NFIB: variants seen among roughly 807,000 people sequenced by gnomAD.
NFIB encodes the protein nuclear factor 1 B-type.
Under a neutral mutation model 61.5 loss-of-function variants are expected in NFIB, and 11 were observed. The observed-to-expected ratio is 0.18, with a 90% CI of 0.11 to 0.30. NFIB has a LOEUF of 0.30. Ranked by LOEUF, NFIB falls within the 10% of genes least tolerant of loss-of-function variation. The pLI is 1.00. For synonymous variants in NFIB, 260 were observed against 216.5 expected, an observed-to-expected ratio of 1.20 and a Z score of -1.76; for missense variants, 471 against 608.9, an observed-to-expected ratio of 0.77 and a Z score of 2.38.
At chr9:14,293,599 G>A (rs906147886) in intron 2 of NFIB, among the ~76,000 whole-genome samples, 6 of 152,130 alleles carry the variant, frequency 3.9e-5, no homozygotes, top group Admixed American at 6.5e-5. Context: ...ACATAAGTGC[G>A]GAGTCTATCA....
the NFIB span, among the ~76,000 whole-genome samples, chr9:14,526,304 A>T: frequency 6.6e-6 from 1 of 152,204 alleles, no homozygotes. Context: ...TTATTACATG[A>T]TATGTTAAAT....
At chr9:14,433,239 T>A in the NFIB span, among the ~76,000 whole-genome samples, 1 of 152,322 alleles carries the variant, frequency 6.6e-6, no homozygotes, top group African/African-American at 2.4e-5. Flanking sequence ...CCACTTACAA[T>A]ACAAACCCCA....
At chr9:14,437,797 C>T in the NFIB span, among the ~76,000 whole-genome samples, 9 of 152,334 alleles carry the variant, frequency 5.9e-5, no homozygotes, top group Non-Finnish European at 8.8e-5. Context: ...CTCAGTGTGC[C>T]TCCTGCCTCG....
chr9:14,319,424 T>C (rs2060614192), intron 1 of NFIB, among the ~76,000 whole-genome samples: 1 of 152,234 alleles, frequency 6.6e-6, no homozygotes, highest in Non-Finnish European at 1.5e-5. Context: ...GCATGATGTA[T>C]TTTAAACTTT....
At chr9:14,225,153 G>C (rs1487052297) in intron 2 of NFIB, among the ~76,000 whole-genome samples, 2 of 151,996 alleles carry the variant, frequency 1.3e-5, no homozygotes, top group Non-Finnish European at 2.9e-5. Context: ...ATATAAGTGA[G>C]AACAGAAGGT....
At chr9:14,525,845 C>G in the NFIB span, among the ~76,000 whole-genome samples, 2 of 152,030 alleles carry the variant, frequency 1.3e-5, no homozygotes, top group African/African-American at 4.8e-5. Context: ...AAATAACACA[C>G]CGTGTTATTT....
chr9:14,289,259 C>A (rs1375835268), intron 2 of NFIB, among the ~76,000 whole-genome samples: 3 of 150,430 alleles, frequency 2.0e-5, no homozygotes, highest in Non-Finnish European at 3.0e-5. Flanking sequence ...TACACACACA[C>A]ACATATACAT....
At chr9:14,295,893 A>G (rs1161608777) in intron 2 of NFIB, among the ~76,000 whole-genome samples, 1 of 152,202 alleles carries the variant, frequency 6.6e-6, no homozygotes, top group Non-Finnish European at 1.5e-5. Context: ...CTTCCCTTCA[A>G]ATATACCTAG....
intron 1 of NFIB, among the ~76,000 whole-genome samples, chr9:14,348,017 A>AC (rs2061054491): frequency 6.6e-6 from 1 of 152,142 alleles, no homozygotes; most frequent in Admixed American, 6.5e-5. Flanking sequence ...CCGACAGAGC[A>AC]CCCAGGACTA....
intron 2 of NFIB, among the ~76,000 whole-genome samples, chr9:14,185,600 C>G (rs770450620): frequency 4.6e-5 from 7 of 152,092 alleles, no homozygotes; most frequent in Non-Finnish European, 8.8e-5. Flanking sequence ...GCCTTATAGC[C>G]CTAATCTTTG....
At chr9:14,191,942 A>G (rs2047994062) in intron 2 of NFIB, among the ~76,000 whole-genome samples, 1 of 152,226 alleles carries the variant, frequency 6.6e-6, no homozygotes, top group African/African-American at 2.4e-5. Context: ...TCCAACAAAC[A>G]CATACACAAA....
chr9:14,358,804 G>A (rs970121278), intron 1 of NFIB, among the ~76,000 whole-genome samples: 7 of 152,132 alleles, frequency 4.6e-5, no homozygotes, highest in African/African-American at 1.7e-4. Flanking sequence ...ACTGGTAAAT[G>A]TTCAGAAATT....
At chr9:14,202,111 G>A (rs1055488397) in intron 2 of NFIB, among the ~76,000 whole-genome samples, 2 of 142,820 alleles carry the variant, frequency 1.4e-5, no homozygotes, top group African/African-American at 5.2e-5. Flanking sequence ...ATATTTTGAA[G>A]ATAAAATTGA....
At chr9:14,486,192 T>C in the NFIB span, among the ~76,000 whole-genome samples, 20 of 152,162 alleles carry the variant, frequency 1.3e-4, no homozygotes, top group African/African-American at 4.8e-4. Context: ...AAGAAGAATA[T>C]TGAAAGAAGG....
intron 2 of NFIB, chr9:14,204,499 C>T (rs1416213047): frequency 3.7e-6 from 4 of 1,076,374 alleles, no homozygotes; most frequent in Non-Finnish European, 5.7e-6. Flanking sequence ...ACCAGTTCAC[C>T]CAGGACCTGG....
intron 2 of NFIB, among the ~76,000 whole-genome samples, chr9:14,291,682 G>A (rs1292637157): frequency 6.6e-6 from 1 of 151,678 alleles, no homozygotes; most frequent in Non-Finnish European, 1.5e-5. Context: ...GCCACACAAA[G>A]GAAAAGGGAG....
chr9:14,236,851 A>C, intron 2 of NFIB, among the ~76,000 whole-genome samples: 1 of 113,954 alleles, frequency 8.8e-6, no homozygotes, highest in East Asian at 2.8e-4. Context: ...GCTTCTCTTT[A>C]AAAAAAAAAA....
chr9:14,380,890 T>A (rs894524320), intron 1 of NFIB, among the ~76,000 whole-genome samples: 1 of 151,928 alleles, frequency 6.6e-6, no homozygotes, highest in Non-Finnish European at 1.5e-5. Flanking sequence ...CTGTCACTAA[T>A]TCACCTCATC....
rs565302824 is a variant in NFIB at position 14,232,927 on chromosome 9, A to G, written c.563-53147T>C. ...TGCAGAGGTCTCTAAAGCAGAGTCC[A>G]CAGTGGCCAGGGCCCATCTAGCAAA... On this transcript the variant is annotated intron_variant, in intron 2 of 10. Coordinates refer to ENST00000380953, the MANE Select transcript of NFIB (RefSeq NM_001190737.2). 1.2e-4 allele frequency among the ~76,000 whole-genome samples: 18 copies of G among 152,346 alleles called. 1 individual carries two copies. The East Asian group carries it at 3.5e-3, about 29-fold the overall frequency.
Sources: allele counts gnomAD v4.1 joint callset (sites outside exome capture counted in the v4.1 genomes callset), GRCh38; gene constraint gnomAD v4.1.1; transcripts MANE v1.5; gene names NCBI Gene and HGNC (gene_info 2026-07-23, HGNC 2026-07-21).